The following ERMP1 variants were observed in gnomAD, a reference collection of about 807,000 sequenced individuals.
The protein encoded by ERMP1 is Felix-ina.
In ERMP1, 86 loss-of-function variants were observed where a neutral mutation model predicts 92.0. The ratio of observed to expected loss-of-function variants is 0.93; its 90% CI spans 0.79 to 1.12. The LOEUF (loss-of-function observed/expected upper bound fraction) is 1.12. Ranked by LOEUF, ERMP1 falls within the 50% of genes most tolerant of loss-of-function variation. The probability of loss-of-function intolerance (pLI) is 0.00; values close to 1 mark genes in which losing one functional copy is unlikely to be tolerated. For synonymous variants in ERMP1, 530 were observed against 412.8 expected, an observed-to-expected ratio of 1.28 and a Z score of -3.44; for missense variants, 1,342 against 1,116.3, an observed-to-expected ratio of 1.20 and a Z score of -2.88.
intron 4 of ERMP1, among the ~76,000 whole-genome samples, chr9:5,818,642 G>T (rs1829411337): frequency 6.6e-6 from 1 of 151,802 alleles, no homozygotes; most frequent in African/African-American, 2.4e-5. Context: ...TTGAGCCCAG[G>T]AGCTGGAAAC....
intron 5 of ERMP1, chr9:5,812,604 C>T (rs566360382): frequency 9.2e-5 from 41 of 447,724 alleles, no homozygotes; most frequent in African/African-American, 6.9e-4. Context: ...AAGACAACAA[C>T]GAAAGACCCC....
At chr9:5,812,746 C>G (rs1316925821) in intron 5 of ERMP1, 143 bp downstream of exon 5, 1 of 897,858 alleles carries the variant, frequency 1.1e-6, no homozygotes, top group African/African-American at 1.7e-5. Context: ...AGGAAACAAA[C>G]TCTGTTTTAG....
intron 10 of ERMP1, among the ~76,000 whole-genome samples, chr9:5,803,085 TTTAA>T (rs1828734613): frequency 6.6e-6 from 1 of 152,082 alleles, no homozygotes. Flanking sequence ...TTGACAAGAC[TTTAA>T]TTGCTTTCTA....
At chr9:5,866,355 A>G (rs912189062) in intron 5 of ERMP1, among the ~76,000 whole-genome samples, 3 of 152,242 alleles carry the variant, frequency 2.0e-5, no homozygotes, top group African/African-American at 7.2e-5. Flanking sequence ...ATAGGATCCA[A>G]CAATAGTGGG....
At chr9:5,832,636 G>A in intron 1 of ERMP1, 54 bp downstream of exon 1, 1 of 1,317,660 alleles carries the variant, frequency 7.6e-7, no homozygotes, top group Non-Finnish European at 9.8e-7. Context: ...CCCGGAGCCT[G>A]CGCAGGAGCC....
chr9:5,834,977 ATGTGTGTGTGTGTGTGTGTG>A (rs71326191), upstream of ERMP1, among the ~76,000 whole-genome samples: 17 of 125,198 alleles, frequency 1.4e-4, no homozygotes, highest in Admixed American at 4.9e-4. Context: ...GGATAGATAG[ATGTGTGTGTGTGTGTGTGTG>A]TGTGTGTGTG....
intron 11 of ERMP1, among the ~76,000 whole-genome samples, chr9:5,799,435 C>T (rs954894897): frequency 6.6e-6 from 1 of 152,004 alleles, no homozygotes; most frequent in African/African-American, 2.4e-5. Context: ...AGCCTTGTGC[C>T]TAACAGAATT....
Position 5,840,688 on chromosome 9 carries a change from G to A in ERMP1, n.3200-7376C>T, listed in dbSNP as rs562278414. Among the ~76,000 whole-genome samples the A allele has an allele frequency of 9.2e-5, 14 of 152,320 alleles. No homozygotes were observed. In the South Asian group the frequency reaches 1.7e-3, roughly 18 times the overall value. On this transcript the variant is annotated intron_variant and non_coding_transcript_variant, in intron 6 of 6. Coordinates refer to the ERMP1 transcript ENST00000690753. ...TGTAACCTGCGGTGTATCCTCCAAC[G>A]AATGACTTAATTTTGTTATGCCCGT...
chr9:5,826,717 G>C (rs1307425958), intron 2 of ERMP1, among the ~76,000 whole-genome samples: 2 of 152,138 alleles, frequency 1.3e-5, no homozygotes, highest in Non-Finnish European at 2.9e-5. Flanking sequence ...AGCAAAATGT[G>C]TCACCTTCCA....
In ERMP1 at chr9:5,786,483, AAGC is replaced by A. The variant is rs1407135799; in HGVS notation, c.*658_*660del. On this transcript the variant is annotated 3_prime_UTR_variant, in exon 15 of 15. Coordinates refer to ENST00000339450, the MANE Select transcript of ERMP1 (RefSeq NM_024896.3). ...ACAGGCATAGAAAACCACCTCAGGAAAGCAGCACAGCAGTGCATCTGTGTGTCC... is the reference window on the plus strand; with the variant it reads ...ACAGGCATAGAAAACCACCTCAGGAAAGCACAGCAGTGCATCTGTGTGTCC... The A allele has an allele frequency of 6.6e-6, 1 of 152,462 alleles. No individual in the cohort carries two copies. Among genetic ancestry groups the A allele is most frequent in the Non-Finnish European group, 1.5e-5 (1 of 68,182 alleles). 9.4% of individuals were successfully genotyped at this position (152,462 alleles called of 1,614,324 possible).
At chr9:5,815,474 T>G (rs889319576) in intron 4 of ERMP1, among the ~76,000 whole-genome samples, 2 of 88,164 alleles carry the variant, frequency 2.3e-5, no homozygotes, top group African/African-American at 8.8e-5. Context: ...AAAATTAAAA[T>G]ACATAAAGTA....
intron 6 of ERMP1, among the ~76,000 whole-genome samples, chr9:5,847,540 C>T (rs1309633429): frequency 1.3e-5 from 2 of 152,048 alleles, no homozygotes; most frequent in Non-Finnish European, 2.9e-5. Flanking sequence ...ACCTGACCCC[C>T]AGATGGCTTT....
chr9:5,787,209 C>A lies in ERMP1; in HGVS notation c.2650G>T (p.Glu884Ter). The change falls in exon 15 of 15, where the codon GAA (glutamate) becomes TAA (stop). Residue 884 changes from glutamate (E) to a stop codon, truncating the protein, a stop_gained. Transcript: ENST00000339450. LOFTEE classifies it high-confidence loss of function. ...KRSPQLDALKEKFPDWTFPSA... is the reference protein window; with the variant it reads ...KRSPQLDALK ...GGAAATGTCCAATCTGGGAACTTTT[C>A]CTTCAGAGCATCCAGTTGAGGGGAT... 1 of 1,614,092 alleles carries A rather than the reference C, an allele frequency of 6.2e-7. No homozygotes were observed. Among genetic ancestry groups the A allele is most frequent in the South Asian group, 1.1e-5 (1 of 91,058 alleles).
At position 5,798,878 on chromosome 9, in the gene ERMP1, A is replaced by T. The variant is rs1183928912; in HGVS notation, c.2198T>A (p.Ile733Asn). The stretch of plus-strand genomic sequence containing the variant: ...TGCATTCTCCTCACAGTGAGCTCGG[A>T]TACTATCATTGATCTCAGGAATGTG... ...TPHIPEINDS[I>N]RAHCEENAPL... Residue 733 changes from isoleucine (I) to asparagine (N), a missense_variant, in exon 12 of 15, where the codon ATC (isoleucine) becomes AAC (asparagine). Ile to Asn is a moderately radical substitution (Grantham distance 149, BLOSUM62 -3). Transcript: ENST00000339450. 5.6e-6 allele frequency: 9 copies of T among 1,613,726 alleles called. No individual in the cohort carries two copies. Among genetic ancestry groups the T allele is most frequent in the Admixed American group, 1.7e-5 (1 of 60,028 alleles).
intron 6 of ERMP1, among the ~76,000 whole-genome samples, chr9:5,857,295 T>G (rs1386254274): frequency 6.6e-6 from 1 of 152,190 alleles, no homozygotes; most frequent in African/African-American, 2.4e-5. Context: ...GTGCTGGGAT[T>G]ACAGGCATGA....
At chr9:5,820,260 C>G (rs1197322852) in intron 4 of ERMP1, among the ~76,000 whole-genome samples, 1 of 152,174 alleles carries the variant, frequency 6.6e-6, no homozygotes, top group East Asian at 1.9e-4. Context: ...GATCGCGTCA[C>G]TGCACTCCAC....
At position 5,823,994 on chromosome 9, in the gene ERMP1, T is replaced by C; in HGVS notation, c.776A>G (p.His259Arg). The C allele has an allele frequency of 6.2e-7, 1 of 1,611,126 alleles. No individual in the cohort carries two copies. The highest frequency in any genetic ancestry group is 8.5e-7 in the Non-Finnish European group (1 of 1,178,304). ...GAEENVLQAS[H>R]GFITQHPWAS... is the part of the protein sequence containing the mutation. ...CCAGGGGTGCTGAGTAATGAAACCA[T>C]GACTGGCCTTAAAGAGAAGGAAAGA... The change falls in exon 4 of 15, where the codon CAT becomes CGT. Residue 259 changes from histidine to arginine, a missense_variant. Physicochemically the swap from His to Arg is conservative, Grantham distance 29. Transcript: ENST00000339450.
intron 4 of ERMP1, among the ~76,000 whole-genome samples, chr9:5,817,031 T>A (rs1228677843): frequency 6.6e-6 from 1 of 151,742 alleles, no homozygotes; most frequent in Non-Finnish European, 1.5e-5. Flanking sequence ...CCCAAGTAGC[T>A]GGGACTACAG....
upstream of ERMP1, among the ~76,000 whole-genome samples, chr9:5,835,649 G>A (rs1228160021): frequency 6.6e-6 from 1 of 152,160 alleles, no homozygotes; most frequent in African/African-American, 2.4e-5. Context: ...GTAGATGTGA[G>A]GTGACAGAGG....
Sources: gnomAD v4.1 joint callset for allele counts (sites outside exome capture counted in the v4.1 genomes callset) on GRCh38, gnomAD v4.1.1 for gene constraint, MANE v1.5 for transcripts, NCBI Gene and HGNC (gene_info 2026-07-23, HGNC 2026-07-21) for gene names.